Variants in ZNRF1 observed in about 807,000 individuals in gnomAD.
ZNRF1 encodes the protein E3 ubiquitin-protein ligase ZNRF1.
Under a neutral mutation model 18.4 loss-of-function variants are expected in ZNRF1, and 3 were observed. That is an observed-to-expected ratio of 0.16 (90% CI 0.07 to 0.42). ZNRF1 has a LOEUF of 0.42. Ranked by LOEUF, ZNRF1 falls within the 10% of genes least tolerant of loss-of-function variation. The pLI, the probability that ZNRF1 is intolerant of heterozygous loss-of-function variation, is 0.99. For synonymous variants in ZNRF1, 157 were observed against 144.2 expected (o/e 1.09, Z -0.64); for missense variants, 310 against 329.8 (o/e 0.94, Z 0.47).
chr16:75,036,246 T>C (rs2035374480), intron 1 of ZNRF1, among the ~76,000 whole-genome samples: 2 of 152,166 alleles, frequency 1.3e-5, no homozygotes, highest in African/African-American at 4.8e-5. Flanking sequence ...AATTTTTGTT[T>C]ATTTTTCGTA....
chr16:75,103,617 A>C (rs1250159768), intron 2 of ZNRF1, among the ~76,000 whole-genome samples: 1 of 152,212 alleles, frequency 6.6e-6, no homozygotes, highest in African/African-American at 2.4e-5. Flanking sequence ...TGACAATACT[A>C]TGTTGTACAC....
At chr16:75,019,578 T>G (rs2035117414) in intron 1 of ZNRF1, among the ~76,000 whole-genome samples, 1 of 152,186 alleles carries the variant, frequency 6.6e-6, no homozygotes, top group Non-Finnish European at 1.5e-5. Context: ...GTATAACAAC[T>G]GTTGGGTGAG....
rs1023026745 is a variant in ZNRF1 at position 75,109,140 on chromosome 16, A to G, written c.*1440A>G. 6.6e-6 allele frequency: 1 copy of G among 152,316 alleles called. No homozygotes were observed. The highest frequency in any genetic ancestry group is 1.5e-5 in the Non-Finnish European group (1 of 68,098). 9.4% of individuals were successfully genotyped at this position (152,316 alleles called of 1,614,324 possible). ...CAGTGCTGACTCACGGGCATGCTTCATTGAGGCCCAGGAAGAGGCCCTGGT... is the reference window on the plus strand; with the variant it reads ...CAGTGCTGACTCACGGGCATGCTTCGTTGAGGCCCAGGAAGAGGCCCTGGT... On this transcript the variant is annotated 3_prime_UTR_variant, in exon 5 of 5. Transcript: ENST00000335325.
chr16:75,011,641 C>T (rs1410252135), intron 1 of ZNRF1, among the ~76,000 whole-genome samples: 2 of 152,202 alleles, frequency 1.3e-5, no homozygotes, highest in African/African-American at 4.8e-5. Context: ...ATGACTGAAA[C>T]ATTCATGCCA....
chr16:75,042,562 T>G (rs1183354934), intron 1 of ZNRF1, among the ~76,000 whole-genome samples: 1 of 151,800 alleles, frequency 6.6e-6, no homozygotes, highest in Non-Finnish European at 1.5e-5. Flanking sequence ...ATAAATGTAG[T>G]GGTTTATTTC....
intron 1 of ZNRF1, among the ~76,000 whole-genome samples, chr16:75,072,137 A>G (rs2094392492): frequency 6.6e-6 from 1 of 151,566 alleles, no homozygotes. Flanking sequence ...GATACATGGT[A>G]TGCAGTCAGA....
Position 75,084,142 on chromosome 16 carries a change from G to A in ZNRF1, c.425-9430G>A, listed in dbSNP as rs114279357. 7.3e-3 allele frequency among the ~76,000 whole-genome samples: 1,116 copies of A among 152,298 alleles called. 12 individuals carry two copies. Among genetic ancestry groups the A allele is most frequent in the African/African-American group, 0.026 (1,079 of 41,550 alleles). On this transcript the variant is annotated intron_variant, in intron 1 of 4. Coordinates refer to ENST00000335325, the MANE Select transcript of ZNRF1 (RefSeq NM_032268.5). ...GGTCATGCCCTGGCCCTTAAAGTCC[G>A]CTTGGGTGTGTGCACGTTCTTCCGT... is the stretch of plus-strand genomic sequence containing the variant.
intron 1 of ZNRF1, among the ~76,000 whole-genome samples, chr16:75,068,143 C>G (rs1052270098): frequency 4.8e-5 from 7 of 146,188 alleles, no homozygotes; most frequent in African/African-American, 7.7e-5. Flanking sequence ...CACTTGAGGC[C>G]AGGAATTCAA....
At chr16:75,020,222 G>T (rs936823238) in intron 1 of ZNRF1, among the ~76,000 whole-genome samples, 1 of 151,994 alleles carries the variant, frequency 6.6e-6, no homozygotes, top group Non-Finnish European at 1.5e-5. Context: ...ATTAATGTCA[G>T]CTTTCTTTTT....
At chr16:75,095,467 C>T (rs1262547866) in intron 2 of ZNRF1, 3 of 971,678 alleles carry the variant, frequency 3.1e-6, no homozygotes, top group Non-Finnish European at 4.3e-6. Flanking sequence ...CCCTGCGTCT[C>T]ACAGCCCTCC....
intron 2 of ZNRF1, chr16:75,095,783 G>C: frequency 6.8e-7 from 1 of 1,474,764 alleles, no homozygotes; most frequent in Non-Finnish European, 9.1e-7. Context: ...CCAGAGAACT[G>C]CCTGGGACGC....
chr16:75,017,302 G>T (rs1479189674), intron 1 of ZNRF1, among the ~76,000 whole-genome samples: 2 of 152,086 alleles, frequency 1.3e-5, no homozygotes, highest in African/African-American at 4.8e-5. Flanking sequence ...AGCCATTTTT[G>T]TAAATTTGGG....
At chr16:75,099,800 A>G (rs1205418542) in intron 2 of ZNRF1, among the ~76,000 whole-genome samples, 1 of 152,168 alleles carries the variant, frequency 6.6e-6, no homozygotes, top group African/African-American at 2.4e-5. Context: ...CTCTGACGGC[A>G]GGCAGCAGGT....
chr16:75,091,921 G>C (rs957366265), intron 1 of ZNRF1, among the ~76,000 whole-genome samples: 2 of 152,056 alleles, frequency 1.3e-5, no homozygotes, highest in African/African-American at 4.8e-5. Flanking sequence ...ATAAACAGTC[G>C]ATTAAGATGG....
chr16:75,107,705 C>G, intron 4 of ZNRF1, 28 bp from the exon 5 acceptor site: 1 of 456,332 alleles, frequency 2.2e-6, no homozygotes, highest in Non-Finnish European at 4.4e-6. Flanking sequence ...CCCGATGGAG[C>G]ACGACTTATT....
In ZNRF1 at chr16:75,051,586, C is replaced by T. The variant is rs370362748; in HGVS notation, c.425-41986C>T. On this transcript the variant is annotated intron_variant, in intron 1 of 4. Coordinates refer to ENST00000335325, the MANE Select transcript of ZNRF1 (RefSeq NM_032268.5). ...AGGCTAGAGTGCAGTGGCATGATCT[C>T]GGCTCACTGCAATCTCTACCTCCCG... 6.6e-5 allele frequency among the ~76,000 whole-genome samples: 10 copies of T among 151,710 alleles called. No homozygotes were observed. The East Asian group carries it at 1.4e-3, about 21-fold the overall frequency.
chr16:75,066,549 CTGCAG>C (rs2035806586), intron 1 of ZNRF1, among the ~76,000 whole-genome samples: 1 of 152,190 alleles, frequency 6.6e-6, no homozygotes, highest in Non-Finnish European at 1.5e-5. Context: ...GTCACCTAGG[CTGCAG>C]TGCAGTGGCG....
intron 1 of ZNRF1, among the ~76,000 whole-genome samples, chr16:75,053,589 C>CAAAAAAAAAAAAAA: frequency 1.4e-5 from 1 of 71,624 alleles, no homozygotes; most frequent in Non-Finnish European, 3.1e-5. Flanking sequence ...GACTCCATCT[C>CAAAAAAAAAAAAAA]AAAAAAAAAA....
At chr16:75,055,966 A>G (rs887684171) in intron 1 of ZNRF1, among the ~76,000 whole-genome samples, 1 of 152,164 alleles carries the variant, frequency 6.6e-6, no homozygotes, top group South Asian at 2.1e-4. Flanking sequence ...GATCCAAGCT[A>G]TCCCTCAGCT....
Sources: allele counts gnomAD v4.1 joint callset (sites outside exome capture counted in the v4.1 genomes callset), GRCh38; gene constraint gnomAD v4.1.1; transcripts MANE v1.5; gene names NCBI Gene and HGNC (gene_info 2026-07-23, HGNC 2026-07-21).